The following BRCA2 variants were observed in gnomAD, a reference collection of about 807,000 sequenced individuals.
BRCA2 encodes BRCA2 DNA repair associated.
Under a neutral mutation model 276.7 loss-of-function variants are expected in BRCA2, and 203 were observed. The observed-to-expected ratio is 0.73, with a 90% CI of 0.65 to 0.82. The LOEUF is 0.82. BRCA2 is among the 40% of genes least tolerant of loss of function. The pLI is 0.00. For missense variants in BRCA2, 3,920 were observed against 3,915.0 expected (o/e 1.00, Z -0.03); for synonymous variants, 1,289 against 1,338.4 (o/e 0.96, Z 0.81).
intron 3 of BRCA2, among the ~76,000 whole-genome samples, chr13:32,323,151 ATTTT>A (rs200414858): frequency 1.5e-5 from 2 of 135,864 alleles, no homozygotes; most frequent in African/African-American, 2.8e-5. Context: ...GTTTTATTTA[ATTTT>A]TTTTTTTTTT....
At chr13:32,380,875 T>C (rs2072920630) in intron 24 of BRCA2, among the ~76,000 whole-genome samples, 1 of 152,220 alleles carries the variant, frequency 6.6e-6, no homozygotes. Flanking sequence ...TATATGGTCT[T>C]ACTAAGTTCA....
chr13:32,333,419 A>G (rs2072425803), intron 10 of BRCA2, 32 bp downstream of exon 10: 2 of 1,594,214 alleles, frequency 1.3e-6, no homozygotes, highest in African/African-American at 1.4e-5. Flanking sequence ...TGTAAATAGT[A>G]CATATAGTTT....
chr13:32,368,779 GTTTGTTT>G (rs1273170810), intron 18 of BRCA2, among the ~76,000 whole-genome samples: 2 of 146,972 alleles, frequency 1.4e-5, no homozygotes, highest in Non-Finnish European at 1.5e-5. Context: ...GTTGTTTGTT[GTTTGTTT>G]TTTGTTTTTT....
In BRCA2 at chr13:32,398,321, G is replaced by A. The variant is rs2137663978; in HGVS notation, c.9808G>A (p.Ala3270Thr). Residue 3270 changes from alanine (A) to threonine (T), a missense_variant, in exon 27 of 27, where the codon GCC becomes ACC. Around this residue, in one of 2 missense-constraint regions of BRCA2, gnomAD observed 657 missense variants for 758.2 expected, o/e 0.87. Transcript: ENST00000380152. ...CCAAAAGAACTGCAAAAAGAGAAGA[G>A]CCTTGGATTTCTTGAGTAGACTGCC... ...DDQKNCKKRR[A>T]LDFLSRLPLP... is the part of the protein sequence containing the mutation. 6.2e-7 allele frequency: 1 copy of A among 1,614,148 alleles called. No homozygotes were observed. The highest frequency in any genetic ancestry group is 1.1e-5 in the South Asian group (1 of 91,084).
rs1226533281 is a variant in BRCA2 at position 32,394,954 on chromosome 13, C to T, written c.9501+21C>T. 3.1e-6 allele frequency: 5 copies of T among 1,613,550 alleles called. No homozygotes were observed. In the South Asian group the frequency reaches 3.3e-5, roughly 11 times the overall value. ...TTGAGGTAAGGTTACTTTTCAGCAT[C>T]ACCACACATTTTGGTATTTTTCTAT... is the stretch of plus-strand genomic sequence containing the variant. On this transcript the variant is annotated intron_variant, in intron 25 of 26. Transcript: ENST00000380152.
At chr13:32,360,706 A>T (rs2072732609) in intron 16 of BRCA2, among the ~76,000 whole-genome samples, 1 of 152,040 alleles carries the variant, frequency 6.6e-6, no homozygotes, top group African/African-American at 2.4e-5. Flanking sequence ...TGTTGAGGAG[A>T]GGGGCAAAGA....
At chr13:32,367,775 A>ACAGAGC (rs960887710) in intron 18 of BRCA2, among the ~76,000 whole-genome samples, 2 of 152,094 alleles carry the variant, frequency 1.3e-5, no homozygotes, top group African/African-American at 4.8e-5. Flanking sequence ...AGCCTGGGTG[A>ACAGAGC]CAGAGCCAGA....
chr13:32,371,151 T>C (rs1314682305), intron 20 of BRCA2, 51 bp downstream of exon 20: 6 of 1,570,866 alleles, frequency 3.8e-6, no homozygotes, highest in Non-Finnish European at 5.2e-6. Flanking sequence ...GAGAACAAAG[T>C]CTTAGAGACT....
Position 32,340,175 on chromosome 13 carries a change from G to A in BRCA2, c.5820G>A (p.Glu1940=), listed in dbSNP as rs1227322831. The change falls in exon 11 of 27, where the codon GAG becomes GAA. Residue 1940 remains glutamate (E), a synonymous_variant. Coordinates refer to ENST00000380152, the MANE Select transcript of BRCA2 (RefSeq NM_000059.4). ...LQHNQNMSGL[E]KVSKISPCDV... The stretch of plus-strand genomic sequence containing the variant: ...ATAACCAAAATATGTCTGGATTGGA[G>A]AAAGTTTCTAAAATATCACCTTGTG... 6.2e-7 allele frequency: 1 copy of A among 1,613,200 alleles called. No individual in the cohort carries two copies. The highest frequency in any genetic ancestry group is 1.7e-5 in the Admixed American group (1 of 59,966).
rs777397727 is a variant in BRCA2, at chr13:32,398,588, G to A, written c.10075G>A (p.Glu3359Lys). ...AGCTCTTTTGTCTGGTTCAACAGGA[G>A]AAAAACAATTTATATCTGTCAGTGA... ...TQALLSGSTG[E>K]KQFISVSEST... The change falls in exon 27 of 27, where the codon GAA becomes AAA. Residue 3359 changes from glutamate (E) to lysine (K), a missense_variant. Physicochemically the swap from Glu to Lys is moderately conservative, Grantham distance 56 (BLOSUM62 1). Transcript: ENST00000380152. 1 of 1,614,172 alleles carries A rather than the reference G, an allele frequency of 6.2e-7. No homozygotes were observed. Among genetic ancestry groups the A allele is most frequent in the Non-Finnish European group, 8.5e-7 (1 of 1,180,014 alleles).
chr13:32,352,517 T>G lies in BRCA2; in HGVS notation c.7008-2344T>G, dbSNP rs11571699. On this transcript the variant is annotated intron_variant, in intron 13 of 26. Transcript: ENST00000380152. ...AAAGTGATCTAAGAACATAGAAAAA[T>G]TATCAGCTAATCACATGACTGCTCA... 0.046 allele frequency among the ~76,000 whole-genome samples: 6,983 copies of G among 152,150 alleles called. 237 individuals are homozygous for G. The highest frequency in any genetic ancestry group is 0.11 in the South Asian group (552 of 4,822).
At position 32,346,894 on chromosome 13, in the gene BRCA2, T is replaced by C. The variant is rs1261716229; in HGVS notation, c.7005T>C (p.Phe2335=). Residue 2335 remains phenylalanine, a splice_region_variant and synonymous_variant, in exon 13 of 27, where the codon TTT becomes TTC. Coordinates refer to ENST00000380152, the MANE Select transcript of BRCA2 (RefSeq NM_000059.4). ...TAGAGCCGATTACCTGTGTACCCTT[T>C]CGGTAAGACATGTTTAAATTTTTCT... ...VSLEPITCVP[F]RTTKERQEIQ... The C allele has an allele frequency of 6.2e-7, 1 of 1,605,342 alleles. No homozygotes were observed. The highest frequency in any genetic ancestry group is 8.5e-7 in the Non-Finnish European group (1 of 1,174,884).
chr13:32,355,034 G>C lies in BRCA2; in HGVS notation c.7181G>C (p.Arg2394Thr), dbSNP rs2137556651. 6.2e-7 allele frequency: 1 copy of C among 1,613,992 alleles called. No individual in the cohort carries two copies. Among genetic ancestry groups the C allele is most frequent in the African/African-American group, 1.3e-5 (1 of 75,052 alleles). ...QVSATRNEKM[R>T]HLITTGRPTK... ...TCTGCTACAAGAAATGAAAAAATGAGACACTTGATTACTACAGGCAGACCA... is the reference window on the plus strand; with the variant it reads ...TCTGCTACAAGAAATGAAAAAATGACACACTTGATTACTACAGGCAGACCA... The change falls in exon 14 of 27, where the codon AGA becomes ACA. Residue 2394 changes from arginine (R) to threonine (T), a missense_variant. Physicochemically the swap from Arg to Thr is moderately conservative, Grantham distance 71. Transcript: ENST00000380152.
chr13:32,373,905 C>A (rs187179085), intron 20 of BRCA2, among the ~76,000 whole-genome samples: 1 of 152,368 alleles, frequency 6.6e-6, no homozygotes, highest in Non-Finnish European at 1.5e-5. Context: ...GCTCTGCCCC[C>A]ACAGCAGACT....
At chr13:32,331,573 A>G (rs2072391747) in intron 9 of BRCA2, among the ~76,000 whole-genome samples, 1 of 152,182 alleles carries the variant, frequency 6.6e-6, no homozygotes, top group South Asian at 2.1e-4. Flanking sequence ...AATGGAAAAA[A>G]AGAGAAACTA....
chr13:32,335,467 C>T (rs762130941), intron 10 of BRCA2, among the ~76,000 whole-genome samples: 40 of 151,756 alleles, frequency 2.6e-4, no homozygotes, highest in Non-Finnish European at 5.1e-4. Context: ...TTGCCTTTAT[C>T]GTTGAGATTA....
chr13:32,339,414 C>T lies in BRCA2; in HGVS notation c.5059C>T (p.Leu1687Phe), dbSNP rs1408726129. Residue 1687 changes from leucine to phenylalanine, a missense_variant, in exon 11 of 27, where the codon CTT (leucine) becomes TTT (phenylalanine). Physicochemically the swap from Leu to Phe is conservative, Grantham distance 22. Coordinates refer to ENST00000380152, the MANE Select transcript of BRCA2 (RefSeq NM_000059.4). ...AACTTCTGTGAGTCAGACTTCATTA[C>T]TTGAAGCAAAAAAATGGCTTAGAGA... ...RKTSVSQTSL[L>F]EAKKWLREGI... The T allele has an allele frequency of 6.3e-7, 1 of 1,593,408 alleles. No individual in the cohort carries two copies. The highest frequency in any genetic ancestry group is 2.2e-5 in the East Asian group (1 of 44,652).
At chr13:32,316,578 C>A (rs2138698916) in intron 2 of BRCA2, 51 bp downstream of exon 2, 1 of 1,514,760 alleles carries the variant, frequency 6.6e-7, no homozygotes, top group Non-Finnish European at 9.1e-7. Flanking sequence ...AAAGTGTTTT[C>A]TAAAAAATGC....
intron 10 of BRCA2, among the ~76,000 whole-genome samples, chr13:32,335,163 G>A (rs1318768006): frequency 4.6e-5 from 7 of 152,048 alleles, no homozygotes; most frequent in African/African-American, 9.7e-5. Context: ...GGCCAACATG[G>A]TAAAACCCCA....
Sources: gnomAD v4.1 joint callset for allele counts (sites outside exome capture counted in the v4.1 genomes callset) on GRCh38, gnomAD v4.1.1 for gene constraint, gnomAD v4.1.1 regional missense constraint, MANE v1.5 for transcripts, NCBI Gene and HGNC (gene_info 2026-07-23, HGNC 2026-07-21) for gene names.